Variants in HDAC9 observed in about 807,000 individuals in gnomAD.
HDAC9 encodes the protein histone deacetylase 9.
Under a neutral mutation model 139.4 loss-of-function variants are expected in HDAC9, and 41 were observed. The observed-to-expected ratio is 0.29, with a 90% CI of 0.23 to 0.38. The LOEUF (loss-of-function observed/expected upper bound fraction) is 0.38. Among genes scored for constraint, HDAC9 ranks in the 10% least tolerant of loss-of-function variants. The pLI, the probability that HDAC9 is intolerant of heterozygous loss-of-function variation, is 1.00. For missense variants in HDAC9, 1,147 were observed against 1,297.0 expected (o/e 0.88, Z 1.78); for synonymous variants, 517 against 476.2 (o/e 1.09, Z -1.12).
chr7:18,456,570 T>C, intron 1 of HDAC9, among the ~76,000 whole-genome samples: 1 of 152,158 alleles, frequency 6.6e-6, no homozygotes, highest in Admixed American at 6.5e-5. Context: ...TACTCACCAC[T>C]TTCATTCATA....
intron 13 of HDAC9, among the ~76,000 whole-genome samples, chr7:18,735,797 A>T (rs1169304068): frequency 6.6e-6 from 1 of 152,138 alleles, no homozygotes; most frequent in Non-Finnish European, 1.5e-5. Flanking sequence ...TGATGGGGAT[A>T]GCATTGAATC....
At chr7:18,449,266 G>A (rs753370276) in intron 1 of HDAC9, among the ~76,000 whole-genome samples, 6 of 152,132 alleles carry the variant, frequency 3.9e-5, no homozygotes, top group Non-Finnish European at 8.8e-5. Context: ...AAACATTCAT[G>A]TAATGGAACA....
At chr7:18,349,971 C>A (rs1055803338) in intron 1 of HDAC9, among the ~76,000 whole-genome samples, 3 of 151,980 alleles carry the variant, frequency 2.0e-5, no homozygotes, top group Non-Finnish European at 4.4e-5. Context: ...CAGAATACTT[C>A]GTTTGTGCCA....
rs1046303272 is a variant in HDAC9 at position 18,349,784 on chromosome 7, A to G, written c.-42+59269A>G. Among the ~76,000 whole-genome samples the G allele has an allele frequency of 6.6e-5, 10 of 152,222 alleles. No homozygotes were observed. In the East Asian group the frequency reaches 1.5e-3, roughly 24 times the overall value. ...CTATGCAGAAAAAATATGTCTTTCTATGTAGAATATTTAGAATAAAAGGTT... is the reference window on the plus strand; with the variant it reads ...CTATGCAGAAAAAATATGTCTTTCTGTGTAGAATATTTAGAATAAAAGGTT... On this transcript the variant is annotated intron_variant, in intron 1 of 3. Transcript: ENST00000413509.
At chr7:18,275,085 T>A (rs1251937641) in intron 2 of HDAC9, among the ~76,000 whole-genome samples, 2 of 152,162 alleles carry the variant, frequency 1.3e-5, no homozygotes, top group Non-Finnish European at 2.9e-5. Context: ...CCAGACTGAA[T>A]TGCTAGCATT....
intron 25 of HDAC9, among the ~76,000 whole-genome samples, chr7:18,988,784 T>C (rs1278268990): frequency 6.6e-6 from 1 of 151,880 alleles, no homozygotes; most frequent in East Asian, 1.9e-4. Flanking sequence ...TAGTTAGCTC[T>C]TCTTGTTGAA....
At chr7:18,306,584 A>G (rs540658295) in intron 1 of HDAC9, among the ~76,000 whole-genome samples, 17 of 152,250 alleles carry the variant, frequency 1.1e-4, no homozygotes, top group South Asian at 2.1e-4. Context: ...AGCCTTCTAC[A>G]CATACTTTTG....
intron 22 of HDAC9, among the ~76,000 whole-genome samples, chr7:18,910,489 G>A (rs1802645292): frequency 6.6e-6 from 1 of 151,860 alleles, no homozygotes; most frequent in South Asian, 2.1e-4. Context: ...TTATCTGCAA[G>A]CAGGGAGTTT....
At chr7:18,378,740 T>C (rs1395630893) in intron 1 of HDAC9, among the ~76,000 whole-genome samples, 1 of 152,156 alleles carries the variant, frequency 6.6e-6, no homozygotes, top group Non-Finnish European at 1.5e-5. Flanking sequence ...ACGCATTTTA[T>C]AAATGCATAG....
At chr7:18,553,611 A>G (rs1817819517) in intron 2 of HDAC9, among the ~76,000 whole-genome samples, 1 of 152,226 alleles carries the variant, frequency 6.6e-6, no homozygotes, top group African/African-American at 2.4e-5. Context: ...AACTATTGGT[A>G]GGGGATTTAA....
At position 18,194,901 on chromosome 7, in the gene HDAC9, A is replaced by G. The variant is rs1341830242; in HGVS notation, c.25+32552A>G. ...GACAATTCCAGGAAATTATCTATTAAGGTTATAGGAGGCAAAGAGAATGTT... is the reference window on the plus strand; with the variant it reads ...GACAATTCCAGGAAATTATCTATTAGGGTTATAGGAGGCAAAGAGAATGTT... On this transcript the variant is annotated intron_variant, in intron 2 of 12. Transcript: ENST00000417496. Among the ~76,000 whole-genome samples, 3 of 151,942 alleles carry G rather than the reference A, an allele frequency of 2.0e-5. No individual in the cohort carries two copies. In the East Asian group the frequency reaches 5.8e-4, roughly 29 times the overall value.
intron 1 of HDAC9, among the ~76,000 whole-genome samples, chr7:18,401,389 A>G (rs1787528325): frequency 1.3e-5 from 2 of 152,202 alleles, no homozygotes; most frequent in South Asian, 4.1e-4. Context: ...GAAGAGGAGC[A>G]AAGAGTGGCT....
intron 12 of HDAC9, among the ~76,000 whole-genome samples, chr7:18,695,163 G>A (rs571872666): frequency 6.6e-6 from 1 of 152,136 alleles, no homozygotes; most frequent in Non-Finnish European, 1.5e-5. Context: ...ATCTGAACAG[G>A]TGTGCCTTAG....
In HDAC9 at chr7:18,977,905, G is replaced by GAGACAGAC. The variant is rs1185603779; in HGVS notation, c.3170+1962_3170+1969dup. Among the ~76,000 whole-genome samples the GAGACAGAC allele has an allele frequency of 8.3e-3, 1,076 of 129,244 alleles. 9 individuals carry two copies. Among genetic ancestry groups the GAGACAGAC allele is most frequent in the African/African-American group, 0.029 (1,017 of 34,840 alleles). 84.8% of individuals were successfully genotyped at this position (129,244 alleles called of 152,430 possible). Reference sequence around the variant, plus strand: ...ATTGAACCATGCATGAATTTCCTCAGAGACAGACAGACAGACACACACACA... The same window carrying GAGACAGAC: ...ATTGAACCATGCATGAATTTCCTCAGAGACAGACAGACAGACAGACAGACACACACACA... On this transcript the variant is annotated intron_variant, in intron 25 of 25. Coordinates refer to ENST00000686413, the MANE Select transcript of HDAC9 (RefSeq NM_178425.4).
chr7:18,191,888 A>G (rs1418752792), intron 2 of HDAC9, among the ~76,000 whole-genome samples: 5 of 152,214 alleles, frequency 3.3e-5, no homozygotes, highest in Non-Finnish European at 5.9e-5. Flanking sequence ...ATCATTGACA[A>G]GCACAAATAC....
chr7:18,898,114 A>G (rs1193911680), intron 22 of HDAC9, among the ~76,000 whole-genome samples: 1 of 151,854 alleles, frequency 6.6e-6, no homozygotes, highest in Non-Finnish European at 1.5e-5. Context: ...TCTTGGTGGA[A>G]TTATTTCTTA....
Position 18,504,990 on chromosome 7 carries a change from G to C in HDAC9, c.22+8666G>C, listed in dbSNP as rs368400330. On this transcript the variant is annotated intron_variant, in intron 2 of 25. Coordinates refer to ENST00000686413, the MANE Select transcript of HDAC9 (RefSeq NM_178425.4). Reference sequence around the variant, plus strand: ...TAGACAGACTTCTTAATCCTGGGAGGTTTAAGGCACAAATAGGCAAGCATG... The same window carrying C: ...TAGACAGACTTCTTAATCCTGGGAGCTTTAAGGCACAAATAGGCAAGCATG... 3.5e-4 allele frequency among the ~76,000 whole-genome samples: 53 copies of C among 152,288 alleles called. No individual in the cohort carries two copies. In the East Asian group the frequency reaches 7.0e-3, roughly 20 times the overall value.
intron 2 of HDAC9, among the ~76,000 whole-genome samples, chr7:18,279,678 C>A (rs528671145): frequency 9.7e-4 from 148 of 151,984 alleles, no homozygotes; most frequent in Middle Eastern, 3.4e-3. Context: ...GTTGGCCAGG[C>A]TGGTCTTAAA....
At chr7:18,654,244 G>C (rs1790325301) in intron 11 of HDAC9, among the ~76,000 whole-genome samples, 1 of 152,040 alleles carries the variant, frequency 6.6e-6, no homozygotes, top group African/African-American at 2.4e-5. Flanking sequence ...TAAATGTTAA[G>C]TATAATTACA....
Sources: gnomAD v4.1 joint callset for allele counts (sites outside exome capture counted in the v4.1 genomes callset) on GRCh38, gnomAD v4.1.1 for gene constraint, MANE v1.5 for transcripts, NCBI Gene and HGNC (gene_info 2026-07-23, HGNC 2026-07-21) for gene names.